The following SHQ1 variants were observed in gnomAD, a reference collection of about 807,000 sequenced individuals.
SHQ1 encodes protein SHQ1 homolog.
SHQ1 carries 49 observed loss-of-function variants against 53.8 expected under a neutral mutation model. The observed-to-expected ratio is 0.91, with a 90% CI of 0.72 to 1.16. SHQ1 has a LOEUF of 1.16. Ranked by LOEUF, SHQ1 falls within the 50% of genes most tolerant of loss-of-function variation. The pLI is 0.00. For synonymous variants in SHQ1, 243 were observed against 251.0 expected (o/e 0.97, Z 0.30); for missense variants, 738 against 683.1 (o/e 1.08, Z -0.90).
the SHQ1 span, among the ~76,000 whole-genome samples, chr3:72,741,312 A>G: frequency 2.0e-5 from 3 of 151,908 alleles, no homozygotes; most frequent in Non-Finnish European, 4.4e-5. Context: ...GAGGCCAGGC[A>G]CAGTGGCTCA....
intron 9 of SHQ1, 121 bp downstream of exon 9, chr3:72,812,550 G>T: frequency 9.6e-7 from 1 of 1,037,236 alleles, no homozygotes. Context: ...AAAAGTGGTT[G>T]GATTCATTTT....
intron 10 of SHQ1, among the ~76,000 whole-genome samples, chr3:72,787,756 T>TGAGGA (rs139314124): frequency 0.015 from 2,272 of 148,290 alleles, 51 homozygotes; most frequent in African/African-American, 0.051. Flanking sequence ...GGTCTCCCTC[T>TGAGGA]GATGCCGAGC....
chr3:72,736,911 C>T, the SHQ1 span, among the ~76,000 whole-genome samples: 5 of 152,000 alleles, frequency 3.3e-5, no homozygotes, highest in African/African-American at 1.2e-4. Context: ...AATCTCTTTC[C>T]ACTTTCCGAA....
At position 72,788,407 on chromosome 3, in the gene SHQ1, C is replaced by T. The variant is rs533978339; in HGVS notation, c.1181+4509G>A. ...GAGGAGCATCTCTGACCAGCCGCCC[C>T]GTCTGAGAAGTGAGGAGCCTCTCTG... is the stretch of plus-strand genomic sequence containing the variant. On this transcript the variant is annotated intron_variant, in intron 10 of 10. Transcript: ENST00000325599. 4.6e-5 allele frequency among the ~76,000 whole-genome samples: 7 copies of T among 151,954 alleles called. No homozygotes were observed. The South Asian group carries it at 8.4e-4, about 18-fold the overall frequency.
At chr3:72,812,415 C>T (rs144224913) in intron 9 of SHQ1, among the ~76,000 whole-genome samples, 2 of 152,270 alleles carry the variant, frequency 1.3e-5, no homozygotes, top group Admixed American at 6.5e-5. Context: ...TAATGTAAAA[C>T]GGTTTGCAAT....
At chr3:72,778,589 T>C (rs925264884) in intron 10 of SHQ1, among the ~76,000 whole-genome samples, 1 of 152,240 alleles carries the variant, frequency 6.6e-6, no homozygotes, top group African/African-American at 2.4e-5. Context: ...AATATTATTG[T>C]ATTTTATATT....
chr3:72,800,253 AG>A (rs2106820470), intron 9 of SHQ1, among the ~76,000 whole-genome samples: 1 of 152,302 alleles, frequency 6.6e-6, no homozygotes, highest in South Asian at 2.1e-4. Flanking sequence ...CAGAACCATG[AG>A]CCAATAATTT....
intron 10 of SHQ1, among the ~76,000 whole-genome samples, chr3:72,751,325 C>T (rs1255574214): frequency 6.6e-6 from 1 of 151,904 alleles, no homozygotes; most frequent in Non-Finnish European, 1.5e-5. Context: ...GGGGCTGAGG[C>T]AGGAGAATCA....
intron 1 of SHQ1, among the ~76,000 whole-genome samples, chr3:72,845,045 G>A (rs1233946324): frequency 6.6e-6 from 1 of 152,004 alleles, no homozygotes; most frequent in Non-Finnish European, 1.5e-5. Context: ...GTACAGATAA[G>A]GGATACTCAA....
chr3:72,824,664 C>T, intron 5 of SHQ1, 113 bp from the exon 6 acceptor site: 1 of 1,229,178 alleles, frequency 8.1e-7, no homozygotes, highest in South Asian at 1.6e-5. Context: ...ATTCAAAGTA[C>T]ATTTCAAGGA....
rs369684117 is a variant in SHQ1, at chr3:72,804,408, C to T, written c.1060+8263G>A. Among the ~76,000 whole-genome samples, 8 of 152,272 alleles carry T rather than the reference C, an allele frequency of 5.3e-5. No homozygotes were observed. The South Asian group carries it at 1.7e-3, about 32-fold the overall frequency. ...AGCTGTTCTTCCTGATCCTCTCCCT[C>T]CTCCGGCACCACCCCCCCACCCCGC... is the stretch of plus-strand genomic sequence containing the variant. On this transcript the variant is annotated intron_variant, in intron 9 of 10. Transcript: ENST00000325599.
At chr3:72,817,850 T>A (rs1242524408) in intron 6 of SHQ1, among the ~76,000 whole-genome samples, 1 of 152,174 alleles carries the variant, frequency 6.6e-6, no homozygotes, top group Non-Finnish European at 1.5e-5. Flanking sequence ...TTAGATTAAA[T>A]TTCAATTCAA....
chr3:72,748,723 AC>A (rs1489416630), downstream of SHQ1, among the ~76,000 whole-genome samples: 1 of 152,050 alleles, frequency 6.6e-6, no homozygotes, highest in Non-Finnish European at 1.5e-5. Flanking sequence ...GCAAAAAAAC[AC>A]ACAAAACAAA....
chr3:72,797,854 G>GC (rs1353995840), intron 9 of SHQ1, among the ~76,000 whole-genome samples: 3 of 152,122 alleles, frequency 2.0e-5, no homozygotes, highest in African/African-American at 4.8e-5. Flanking sequence ...GATGACTACA[G>GC]CATCACAGCC....
chr3:72,750,637 C>CT lies in SHQ1; in HGVS notation c.1380dup (p.Asp461ArgfsTer19), dbSNP rs1705346384. On this transcript the variant is annotated frameshift_variant, in exon 11 of 11. Transcript: ENST00000325599. LOFTEE classifies it low-confidence loss of function (END_TRUNC). ...TCGTTTCCAGATGACACGCTGCTGT[C>CT]TGAGTCCTCCGAATCACTTGCCTCA... is the stretch of plus-strand genomic sequence containing the variant. 6.2e-7 allele frequency: 1 copy of CT among 1,614,006 alleles called. No individual in the cohort carries two copies. The highest frequency in any genetic ancestry group is 8.5e-7 in the Non-Finnish European group (1 of 1,179,988).
At chr3:72,753,788 A>C in intron 10 of SHQ1, 1 of 260,570 alleles carries the variant, frequency 3.8e-6, no homozygotes, top group Non-Finnish European at 6.0e-6. Context: ...TAGCTATGGA[A>C]TATGACGGCT....
the SHQ1 span, among the ~76,000 whole-genome samples, chr3:72,729,930 T>G: frequency 6.6e-6 from 1 of 152,136 alleles, no homozygotes; most frequent in African/African-American, 2.4e-5. Context: ...GCCATTCTCC[T>G]GCCTCGGCCT....
At chr3:72,783,207 T>C (rs1406871333) in intron 10 of SHQ1, among the ~76,000 whole-genome samples, 1 of 152,142 alleles carries the variant, frequency 6.6e-6, no homozygotes, top group Non-Finnish European at 1.5e-5. Context: ...GGGCTTGATA[T>C]ACATACTACT....
At chr3:72,753,129 G>A (rs1705424673) in intron 10 of SHQ1, 5 of 985,248 alleles carry the variant, frequency 5.1e-6, no homozygotes, top group South Asian at 4.7e-5. Flanking sequence ...ATTCTTAAGG[G>A]GAAATCTGAT....
Sources: gnomAD v4.1 joint callset for allele counts (sites outside exome capture counted in the v4.1 genomes callset) on GRCh38, gnomAD v4.1.1 for gene constraint, MANE v1.5 for transcripts, NCBI Gene and HGNC (gene_info 2026-07-23, HGNC 2026-07-21) for gene names.